Variants in KCNIP1 observed in about 807,000 individuals in gnomAD.
KCNIP1 encodes the protein potassium voltage-gated channel interacting protein 1, also known as A-type potassium channel modulatory protein KCNIP1.
Under a neutral mutation model 33.0 loss-of-function variants are expected in KCNIP1, and 18 were observed. The observed-to-expected ratio is 0.55, with a 90% CI of 0.38 to 0.81. The LOEUF is 0.81. KCNIP1 is among the 30% of genes least tolerant of loss of function. The pLI is 0.00. For synonymous variants in KCNIP1, 93 were observed against 98.3 expected (o/e 0.95, Z 0.32); for missense variants, 238 against 271.6 (o/e 0.88, Z 0.87).
chr5:170,367,409 GAAAGAAAGA>G (rs1561586898), intron 1 of KCNIP1, among the ~76,000 whole-genome samples: 3 of 111,514 alleles, frequency 2.7e-5, no homozygotes, highest in Admixed American at 1.9e-4. Context: ...AAGAAAGAAA[GAAAGAAAGA>G]AAGGAAAGAA....
chr5:170,664,154 T>C (rs942656997), intron 1 of KCNIP1, among the ~76,000 whole-genome samples: 1 of 152,128 alleles, frequency 6.6e-6, no homozygotes, highest in African/African-American at 2.4e-5. Flanking sequence ...CTACACTCTG[T>C]GTTCTGGCCA....
chr5:170,414,349 ACTATAG>A (rs1391386447), intron 1 of KCNIP1, among the ~76,000 whole-genome samples: 7 of 152,234 alleles, frequency 4.6e-5, no homozygotes, highest in African/African-American at 1.7e-4. Flanking sequence ...CACATCGTGA[ACTATAG>A]CAAGTAGAGA....
intron 1 of KCNIP1, among the ~76,000 whole-genome samples, chr5:170,401,374 A>G (rs1754898597): frequency 6.6e-6 from 1 of 152,174 alleles, no homozygotes; most frequent in African/African-American, 2.4e-5. Flanking sequence ...ACTTCACTAG[A>G]ATCTTCTCTG....
At chr5:170,721,757 G>T in intron 3 of KCNIP1, 76 bp from the exon 4 acceptor site, 1 of 1,614,060 alleles carries the variant, frequency 6.2e-7, no homozygotes, top group East Asian at 2.2e-5. Flanking sequence ...TCTTGTCGAA[G>T]CCCTGCCTTG....
chr5:170,729,771 A>G (rs1363711), intron 5 of KCNIP1, among the ~76,000 whole-genome samples: 114,050 of 152,006 alleles, frequency 0.75, 42,877 homozygotes, highest in East Asian at 0.86. Context: ...TAGTTGCTGA[A>G]AGTGTTCTGA....
exon 1 of KCNIP1, chr5:170,353,698 TG>T: frequency 1.6e-6 from 1 of 620,034 alleles, no homozygotes; most frequent in Non-Finnish European, 2.8e-6. Flanking sequence ...GCAGGCTCTC[TG>T]GATGCAGAAG....
intron 1 of KCNIP1, among the ~76,000 whole-genome samples, chr5:170,527,678 A>G (rs1755631095): frequency 6.6e-6 from 1 of 150,806 alleles, no homozygotes; most frequent in Non-Finnish European, 1.5e-5. Flanking sequence ...ACAAACTTGA[A>G]TGGTGCTCCT....
intron 1 of KCNIP1, among the ~76,000 whole-genome samples, chr5:170,517,495 G>C (rs1755170387): frequency 6.6e-6 from 1 of 152,184 alleles, no homozygotes. Flanking sequence ...TAATGATGAT[G>C]ATGATGGAGG....
chr5:170,390,846 C>T (rs1754559437), intron 1 of KCNIP1, among the ~76,000 whole-genome samples: 2 of 152,010 alleles, frequency 1.3e-5, no homozygotes, highest in Non-Finnish European at 2.9e-5. Context: ...TGAGTTTCCC[C>T]AGCCCCCAGG....
intron 1 of KCNIP1, among the ~76,000 whole-genome samples, chr5:170,700,369 C>A (rs1763051423): frequency 6.6e-6 from 1 of 152,134 alleles, no homozygotes; most frequent in Non-Finnish European, 1.5e-5. Context: ...AAAAATCATT[C>A]CAGCCTGGGA....
At chr5:170,626,030 G>A (rs72834406) in intron 1 of KCNIP1, among the ~76,000 whole-genome samples, 4 of 152,284 alleles carry the variant, frequency 2.6e-5, no homozygotes, top group Non-Finnish European at 5.9e-5. Context: ...GAGTGGCGTG[G>A]GATAAGGTTG....
At chr5:170,688,970 G>C (rs1211279525) in intron 1 of KCNIP1, among the ~76,000 whole-genome samples, 3 of 118,420 alleles carry the variant, frequency 2.5e-5, no homozygotes, top group Non-Finnish European at 3.3e-5. Flanking sequence ...GGGAAGGGTG[G>C]AAAGAAGGAA....
intron 1 of KCNIP1, chr5:170,678,448 T>A (rs1762221205): frequency 6.6e-6 from 1 of 152,206 alleles, no homozygotes; most frequent in South Asian, 2.1e-4. Flanking sequence ...TAGGAGACAA[T>A]CCAGAAGGGG....
intron 1 of KCNIP1, among the ~76,000 whole-genome samples, chr5:170,697,005 G>A (rs1762920048): frequency 6.6e-6 from 1 of 151,922 alleles, no homozygotes; most frequent in South Asian, 2.1e-4. Flanking sequence ...TGTACACGTA[G>A]AATCTGCCTC....
At chr5:170,721,803 C>T (rs768875771) in intron 3 of KCNIP1, 30 bp from the exon 4 acceptor site, 5 of 1,614,072 alleles carry the variant, frequency 3.1e-6, no homozygotes. Flanking sequence ...TTCCTGCCCC[C>T]ATCACCTGCC....
chr5:170,638,029 G>C (rs1021078888), intron 1 of KCNIP1, among the ~76,000 whole-genome samples: 1 of 136,126 alleles, frequency 7.3e-6, no homozygotes, highest in Non-Finnish European at 1.6e-5. Context: ...AAAGGGGTGT[G>C]TCTGGGGGGT....
At position 170,598,896 on chromosome 5, in the gene KCNIP1, T is replaced by TGTGC. The variant is rs1409491593; in HGVS notation, c.61+94266_61+94267insCGTG. Among the ~76,000 whole-genome samples the TGTGC allele has an allele frequency of 3.1e-3, 375 of 121,466 alleles. 3 individuals carry two copies. The highest frequency in any genetic ancestry group is 8.8e-3 in the African/African-American group (291 of 32,902). The allele number at this position is 121,466 out of a possible 152,430, so 79.7% of individuals were successfully genotyped here. A position where few individuals can be genotyped will look rare whatever the true frequency, so the allele number is the denominator to read the frequency against. ...CTCGTTCCCATAGCCCCGCTGTGTGTGTGTGCGCGTGTGTGTGTGTGTGTG... is the reference window on the plus strand; with the variant it reads ...CTCGTTCCCATAGCCCCGCTGTGTGTGTGCGTGTGCGCGTGTGTGTGTGTGTGTG... On this transcript the variant is annotated intron_variant, in intron 1 of 7. Coordinates refer to ENST00000328939, the MANE Select transcript of KCNIP1 (RefSeq NM_014592.4).
chr5:170,529,472 G>C (rs892443563), intron 1 of KCNIP1, among the ~76,000 whole-genome samples: 1 of 152,200 alleles, frequency 6.6e-6, no homozygotes, highest in Non-Finnish European at 1.5e-5. Flanking sequence ...GGGAAACCAA[G>C]GAGCTCTTAC....
chr5:170,609,779 C>CCCAGAAAT (rs1483533249), intron 1 of KCNIP1, among the ~76,000 whole-genome samples: 1 of 152,170 alleles, frequency 6.6e-6, no homozygotes, highest in Non-Finnish European at 1.5e-5. Flanking sequence ...ATGTCTTAAG[C>CCCAGAAAT]CCAGAAATTC....
Sources: allele counts gnomAD v4.1 joint callset (sites outside exome capture counted in the v4.1 genomes callset), GRCh38; gene constraint gnomAD v4.1.1; transcripts MANE v1.5; gene names NCBI Gene and HGNC (gene_info 2026-07-23, HGNC 2026-07-21).